Variants in ELFN2 observed in about 807,000 individuals in gnomAD.
The protein encoded by ELFN2 is protein phosphatase 1 regulatory subunit 29.
Under a neutral mutation model 45.5 loss-of-function variants are expected in ELFN2, and 17 were observed. The observed-to-expected ratio is 0.37, with a 90% CI of 0.26 to 0.56. The LOEUF is 0.56. Ranked by LOEUF, ELFN2 falls within the 20% of genes least tolerant of loss-of-function variation. The pLI is 0.77. For synonymous variants in ELFN2, 550 were observed against 551.5 expected (o/e 1.00, Z 0.04); for missense variants, 922 against 1,183.2 (o/e 0.78, Z 3.24).
rs529399261 is a variant in ELFN2 at position 37,349,225 on chromosome 22, G to A, written n.149-6522C>T. On this transcript the variant is annotated intron_variant and non_coding_transcript_variant, in intron 1 of 2. Transcript: ENST00000452946. ...CGCCACTTAGCTGTCGTGCAGTCCG[G>A]AGGTGGCATAGGACTGGGTGCTTGT... Among the ~76,000 whole-genome samples the A allele has an allele frequency of 7.9e-5, 12 of 151,386 alleles. No homozygotes were observed. The East Asian group carries it at 2.1e-3, about 27-fold the overall frequency.
chr22:37,348,195 G>C (rs1488947338), intron 1 of ELFN2, among the ~76,000 whole-genome samples: 3 of 152,242 alleles, frequency 2.0e-5, no homozygotes, highest in Non-Finnish European at 1.5e-5. Context: ...GTGCGCTCAT[G>C]TATGAGGCAT....
chr22:37,407,676 T>C (rs1455742005), intron 2 of ELFN2, among the ~76,000 whole-genome samples: 1 of 151,640 alleles, frequency 6.6e-6, no homozygotes, highest in African/African-American at 2.4e-5. Context: ...GGTGGGCGGA[T>C]CACGAGGTCA....
rs202059228 is a variant in ELFN2 at position 37,374,725 on chromosome 22, G to T, written c.810C>A (p.Asp270Glu). The T allele has an allele frequency of 1.2e-6, 2 of 1,611,932 alleles. No homozygotes were observed. Among genetic ancestry groups the T allele is most frequent in the East Asian group, 4.5e-5 (2 of 44,830 alleles). Residue 270 changes from aspartate to glutamate, a missense_variant, in exon 3 of 3, where the codon GAC becomes GAA. Coordinates refer to ENST00000402918, the MANE Select transcript of ELFN2 (RefSeq NM_052906.5). ...PYSTDAQREP[D>E]ENSGFNPDEI... Reference sequence around the variant, plus strand: ...CGTCGGGGTTGAAGCCCGAGTTCTCGTCTGGCTCCCTCTGGGCGTCGGTGG... The same window carrying T: ...CGTCGGGGTTGAAGCCCGAGTTCTCTTCTGGCTCCCTCTGGGCGTCGGTGG...
At chr22:37,346,766 G>A (rs923807589) in intron 1 of ELFN2, among the ~76,000 whole-genome samples, 14 of 151,924 alleles carry the variant, frequency 9.2e-5, no homozygotes, top group East Asian at 7.7e-4. Context: ...GCACACAACC[G>A]TACACACACG....
intron 2 of ELFN2, among the ~76,000 whole-genome samples, chr22:37,413,124 GCA>G (rs1932692742): frequency 6.6e-6 from 1 of 152,132 alleles, no homozygotes; most frequent in African/African-American, 2.4e-5. Flanking sequence ...GAAAATCCCG[GCA>G]CAGAAGAGGT....
chr22:37,425,199 A>G (rs1296474225), intron 1 of ELFN2, among the ~76,000 whole-genome samples: 3 of 152,146 alleles, frequency 2.0e-5, no homozygotes, highest in Non-Finnish European at 4.4e-5. Flanking sequence ...GGCTGGGATG[A>G]AGAGGAAAAC....
rs182036990 is a variant in ELFN2, at chr22:37,412,379, G to A, written c.-463+5390C>T. Among the ~76,000 whole-genome samples the A allele has an allele frequency of 1.5e-4, 23 of 151,642 alleles. No homozygotes were observed. The East Asian group carries it at 4.4e-3, about 29-fold the overall frequency. ...CTCCACCCTCAGACTGGGGCTCCTG[G>A]GAATTGAGGCTCTATCTCCCTCAGA... is the stretch of plus-strand genomic sequence containing the variant. On this transcript the variant is annotated intron_variant, in intron 2 of 2. Coordinates refer to ENST00000402918, the MANE Select transcript of ELFN2 (RefSeq NM_052906.5).
chr22:37,378,204 T>C (rs1931636628), intron 2 of ELFN2, among the ~76,000 whole-genome samples: 1 of 152,174 alleles, frequency 6.6e-6, no homozygotes, highest in African/African-American at 2.4e-5. Context: ...GGCATGTGCT[T>C]GTGTGTGCAG....
intron 2 of ELFN2, among the ~76,000 whole-genome samples, chr22:37,379,726 G>A (rs898261698): frequency 6.6e-6 from 1 of 152,198 alleles, no homozygotes; most frequent in African/African-American, 2.4e-5. Flanking sequence ...CAGAGCTGGT[G>A]GTGCAGGGGT....
chr22:37,382,534 C>T (rs4821659), intron 2 of ELFN2, among the ~76,000 whole-genome samples: 101,926 of 145,464 alleles, frequency 0.7, 35,919 homozygotes, highest in Admixed American at 0.79. Flanking sequence ...TGAGCCACCA[C>T]GCTGGCCTTT....
intron 2 of ELFN2, among the ~76,000 whole-genome samples, chr22:37,395,145 A>G (rs28650147): frequency 0.045 from 6,186 of 137,718 alleles, 453 homozygotes; most frequent in African/African-American, 0.17. Flanking sequence ...AAATAAATAA[A>G]TAAATATTGT....
chr22:37,392,509 AG>A (rs2145660393), intron 2 of ELFN2, among the ~76,000 whole-genome samples: 1 of 152,100 alleles, frequency 6.6e-6, no homozygotes, highest in South Asian at 2.1e-4. Flanking sequence ...TAGTAGAGAC[AG>A]GGTTTCACCA....
intron 1 of ELFN2, among the ~76,000 whole-genome samples, chr22:37,422,316 C>T (rs1022200100): frequency 3.3e-5 from 5 of 152,042 alleles, no homozygotes; most frequent in Non-Finnish European, 7.4e-5. Flanking sequence ...ATGTTATACA[C>T]GTGGTCTTCT....
Position 37,375,601 on chromosome 22 carries a change from G to C in ELFN2, c.-67C>G. 1.4e-6 allele frequency: 2 copies of C among 1,468,846 alleles called. No individual in the cohort carries two copies. The highest frequency in any genetic ancestry group is 1.8e-6 in the Non-Finnish European group (2 of 1,108,286). 91.0% of individuals were successfully genotyped at this position (1,468,846 alleles called of 1,614,324 possible). ...TGCCTAGCGGCCAGAGGCTGGGGCT[G>C]GCAGTACAGTCCTCCCTGGGGCCGC... On this transcript the variant is annotated 5_prime_UTR_variant, in exon 3 of 3. Transcript: ENST00000402918.
intron 2 of ELFN2, among the ~76,000 whole-genome samples, chr22:37,405,089 C>CTTTTTTTTTTTTTTTTT: frequency 8.2e-6 from 1 of 121,534 alleles, no homozygotes; most frequent in Non-Finnish European, 1.6e-5. Context: ...TGAACCTCAG[C>CTTTTTTTTTTTTTTTTT]ATTTTTTTTT....
In ELFN2 at chr22:37,353,067, T is replaced by C. The variant is rs140861336; in HGVS notation, n.149-10364A>G. On this transcript the variant is annotated intron_variant and non_coding_transcript_variant, in intron 1 of 2. Coordinates refer to ENST00000452946, the Ensembl canonical transcript of ELFN2. ...CAATGTGTCCTGCCCATGACAGCAG[T>C]AAGCCCCTTCCCAGAACCCTCTCCC... 4.3e-3 allele frequency: 650 copies of C among 150,856 alleles called. 41 individuals carry two copies. In the Middle Eastern group the frequency reaches 0.066, roughly 15 times the overall value. 9.3% of individuals were successfully genotyped at this position (150,856 alleles called of 1,614,324 possible).
intron 1 of ELFN2, among the ~76,000 whole-genome samples, chr22:37,357,709 G>A (rs574649708): frequency 7.2e-5 from 11 of 152,310 alleles, no homozygotes; most frequent in East Asian, 1.9e-4. Flanking sequence ...AAAATGTTGC[G>A]GTGCCCTAGA....
intron 1 of ELFN2, among the ~76,000 whole-genome samples, chr22:37,348,792 T>G (rs1199718745): frequency 6.7e-6 from 1 of 149,684 alleles, no homozygotes. Flanking sequence ...GGAGAGGACA[T>G]GGAGGTCAGC....
chr22:37,341,545 T>C (rs1930560664), intron 2 of ELFN2, among the ~76,000 whole-genome samples: 1 of 152,222 alleles, frequency 6.6e-6, no homozygotes, highest in South Asian at 2.1e-4. Context: ...TTTCCCTCAC[T>C]GGGCCATATT....
Sources: allele counts gnomAD v4.1 joint callset (sites outside exome capture counted in the v4.1 genomes callset), GRCh38; gene constraint gnomAD v4.1.1; transcripts MANE v1.5; gene names NCBI Gene and HGNC (gene_info 2026-07-23, HGNC 2026-07-21).